Variants in XKR9 observed in about 807,000 individuals in gnomAD.
The protein encoded by XKR9 is XK related 9, also known as XK-related protein 9.
Under a neutral mutation model 32.0 loss-of-function variants are expected in XKR9, and 32 were observed. The ratio of observed to expected loss-of-function variants is 1.00; its 90% CI spans 0.76 to 1.34. XKR9 has a LOEUF of 1.34. Among genes scored for constraint, XKR9 ranks in the 40% most tolerant of loss-of-function variants. The pLI is 0.00. For synonymous variants in XKR9, 168 were observed against 143.4 expected (o/e 1.17, Z -1.22); for missense variants, 546 against 429.7 (o/e 1.27, Z -2.39).
intron 2 of XKR9, among the ~76,000 whole-genome samples, chr8:70,751,207 A>T (rs532656233): frequency 2.0e-5 from 3 of 152,308 alleles, no homozygotes; most frequent in South Asian, 4.1e-4. Context: ...GGCTCACTGC[A>T]GCCTCCGCCT....
chr8:70,705,410 G>C (rs1563436256), intron 3 of XKR9, among the ~76,000 whole-genome samples: 2 of 152,182 alleles, frequency 1.3e-5, no homozygotes, highest in Admixed American at 6.6e-5. Flanking sequence ...ATATGGTAGA[G>C]AGTACTACTT....
chr8:70,911,406 G>A, the XKR9 span, among the ~76,000 whole-genome samples: 1 of 152,014 alleles, frequency 6.6e-6, no homozygotes, highest in South Asian at 2.1e-4. Context: ...ATTTTTGATG[G>A]TGCAGTTATT....
the XKR9 span, among the ~76,000 whole-genome samples, chr8:70,859,660 C>G: frequency 1.3e-5 from 2 of 152,058 alleles, no homozygotes; most frequent in Non-Finnish European, 1.5e-5. Flanking sequence ...TTGGTCATAA[C>G]AAAGAGTGGA....
chr8:70,994,581 A>C, the XKR9 span, among the ~76,000 whole-genome samples: 1 of 152,044 alleles, frequency 6.6e-6, no homozygotes, highest in Non-Finnish European at 1.5e-5. Context: ...TATGATAGGC[A>C]TAAGTGTTAC....
chr8:70,801,457 A>AT, the XKR9 span, among the ~76,000 whole-genome samples: 424 of 152,246 alleles, frequency 2.8e-3, 5 homozygotes, highest in African/African-American at 9.7e-3. Context: ...TTTAATTTCC[A>AT]TGTAATTTTT....
chr8:70,781,774 A>C (rs1215082887), intron 2 of XKR9, among the ~76,000 whole-genome samples: 1 of 152,074 alleles, frequency 6.6e-6, no homozygotes, highest in Non-Finnish European at 1.5e-5. Context: ...TTATCCAAAG[A>C]GTATACTCTT....
At chr8:71,063,424 C>A in the XKR9 span, among the ~76,000 whole-genome samples, 1 of 152,086 alleles carries the variant, frequency 6.6e-6, no homozygotes, top group Non-Finnish European at 1.5e-5. Context: ...GGCTGTTGTA[C>A]TTCTGGGTAG....
chr8:70,792,962 A>G (rs1444514490), downstream of XKR9, among the ~76,000 whole-genome samples: 4 of 152,086 alleles, frequency 2.6e-5, no homozygotes, highest in East Asian at 3.9e-4. Context: ...TTGTTATTTC[A>G]GGCCACCTAA....
At chr8:70,911,958 G>A in the XKR9 span, among the ~76,000 whole-genome samples, 1 of 152,284 alleles carries the variant, frequency 6.6e-6, no homozygotes, top group South Asian at 2.1e-4. Flanking sequence ...CTAAGCCAGG[G>A]GCCAGGAAGC....
chr8:71,050,298 T>TATATATATATAG, the XKR9 span, among the ~76,000 whole-genome samples: 4 of 92,764 alleles, frequency 4.3e-5, no homozygotes, highest in African/African-American at 1.7e-4. Context: ...TATAGATATA[T>TATATATATATAG]ATATAGATAT....
chr8:70,806,160 G>A, the XKR9 span, among the ~76,000 whole-genome samples: 2 of 152,188 alleles, frequency 1.3e-5, no homozygotes, highest in Non-Finnish European at 2.9e-5. Flanking sequence ...AACTGCAGCA[G>A]CCCTACAGAA....
chr8:70,757,807 G>GAAA (rs1807250264), intron 2 of XKR9, among the ~76,000 whole-genome samples: 1 of 151,770 alleles, frequency 6.6e-6, no homozygotes, highest in Non-Finnish European at 1.5e-5. Flanking sequence ...GGCTGGTCTC[G>GAAA]AACTCCTTAC....
At chr8:70,764,664 C>T (rs551676801) in intron 2 of XKR9, among the ~76,000 whole-genome samples, 2 of 152,194 alleles carry the variant, frequency 1.3e-5, no homozygotes, top group African/African-American at 4.8e-5. Context: ...CATAGGTATA[C>T]ATGTGCCATG....
the XKR9 span, among the ~76,000 whole-genome samples, chr8:70,808,421 T>A: frequency 6.6e-6 from 1 of 152,162 alleles, no homozygotes; most frequent in South Asian, 2.1e-4. Flanking sequence ...ACTGGGTTCA[T>A]CTCACTGGGG....
the XKR9 span, among the ~76,000 whole-genome samples, chr8:70,869,412 G>A: frequency 6.6e-6 from 1 of 152,192 alleles, no homozygotes; most frequent in Non-Finnish European, 1.5e-5. Context: ...GCCGCAGGTA[G>A]AGAGAAGAGA....
At chr8:70,958,648 T>G in the XKR9 span, among the ~76,000 whole-genome samples, 1 of 152,246 alleles carries the variant, frequency 6.6e-6, no homozygotes, top group African/African-American at 2.4e-5. Context: ...GTAGGTTGTC[T>G]GTTCACTCTA....
chr8:71,055,763 G>T, the XKR9 span, among the ~76,000 whole-genome samples: 1 of 152,118 alleles, frequency 6.6e-6, no homozygotes, highest in African/African-American at 2.4e-5. Context: ...ATTAAAGTTT[G>T]GGGGCCCATC....
At chr8:70,741,157 G>T (rs1170715433) in intron 2 of XKR9, among the ~76,000 whole-genome samples, 1 of 152,348 alleles carries the variant, frequency 6.6e-6, no homozygotes, top group Non-Finnish European at 1.5e-5. Context: ...GTTTACCTAA[G>T]CAAGCCTGGG....
chr8:70,745,713 C>T (rs115086633), intron 2 of XKR9, among the ~76,000 whole-genome samples: 1 of 152,158 alleles, frequency 6.6e-6, no homozygotes, highest in African/African-American at 2.4e-5. Context: ...GCAATGGAAC[C>T]ACAGAGAAAT....
Sources: gnomAD v4.1 joint callset for allele counts (sites outside exome capture counted in the v4.1 genomes callset) on GRCh38, gnomAD v4.1.1 for gene constraint, MANE v1.5 for transcripts, NCBI Gene and HGNC (gene_info 2026-07-23, HGNC 2026-07-21) for gene names.